ADSL: variants seen among roughly 807,000 people sequenced by gnomAD.
ADSL encodes the protein adenylosuccinase.
A neutral mutation model predicts 62.1 loss-of-function variants in ADSL; 44 were observed. That is an observed-to-expected ratio of 0.71 (90% CI 0.56 to 0.91). The LOEUF (loss-of-function observed/expected upper bound fraction) is 0.91. Among genes scored for constraint, ADSL ranks in the 40% least tolerant of loss-of-function variants. The pLI, the probability that ADSL is intolerant of heterozygous loss-of-function variation, is 0.00. For synonymous variants in ADSL, 198 were observed against 220.5 expected, an observed-to-expected ratio of 0.90 and a Z score of 0.90; for missense variants, 531 against 627.4, an observed-to-expected ratio of 0.85 and a Z score of 1.64.
rs1365913884 is a variant in ADSL, at chr22:40,357,434, G to A, written c.483-1430G>A. Among the ~76,000 whole-genome samples, 9 of 151,638 alleles carry A rather than the reference G, an allele frequency of 5.9e-5. No individual in the cohort carries two copies. In the East Asian group the frequency reaches 1.8e-3, roughly 30 times the overall value. On this transcript the variant is annotated intron_variant, in intron 4 of 12. Transcript: ENST00000623063. ...ACGCCTGGCTAATTTTGTATTTTTA[G>A]TAGAGACGGGGTTTCTCTGTGTTGG... is the stretch of plus-strand genomic sequence containing the variant.
chr22:40,362,933 C>T (rs1285713545), intron 9 of ADSL, 48 bp from the exon 10 acceptor site: 1 of 1,532,110 alleles, frequency 6.5e-7, no homozygotes. Context: ...CTGCATTTCA[C>T]TGAAATTATT....
intron 1 of ADSL, 123 bp from the exon 2 acceptor site, chr22:40,349,709 T>C: frequency 3.3e-6 from 3 of 911,836 alleles, no homozygotes; most frequent in South Asian, 2.8e-5. Context: ...CCTCAAATTT[T>C]AATTTAAGGG....
At chr22:40,386,375 A>G (rs181618068) in intron 2 of ADSL, among the ~76,000 whole-genome samples, 1 of 152,182 alleles carries the variant, frequency 6.6e-6, no homozygotes, top group Admixed American at 6.5e-5. Context: ...TAAGAGGACA[A>G]CCTCGTGACG....
chr22:40,369,380 G>A (rs760756844), downstream of ADSL: 11 of 149,786 alleles, frequency 7.3e-5, no homozygotes, highest in Non-Finnish European at 1.5e-4. Flanking sequence ...GGTGGTCTGC[G>A]TGTTCACTGG....
chr22:40,381,454 G>A (rs1196299937), intron 2 of ADSL, among the ~76,000 whole-genome samples: 1 of 152,086 alleles, frequency 6.6e-6, no homozygotes, highest in African/African-American at 2.4e-5. Context: ...CGGCTACAAG[G>A]CATTTTAACG....
intron 5 of ADSL, 94 bp downstream of exon 5, chr22:40,359,129 G>A (rs929526664): frequency 8.6e-5 from 136 of 1,587,546 alleles, no homozygotes; most frequent in Non-Finnish European, 1.0e-4. Context: ...ATTGACTGTG[G>A]GATGGGTGGG....
chr22:40,362,689 A>C (rs1052185323), intron 9 of ADSL, among the ~76,000 whole-genome samples: 11 of 152,140 alleles, frequency 7.2e-5, no homozygotes, highest in African/African-American at 2.7e-4. Flanking sequence ...AATGGCAGGT[A>C]TGTAATGGTG....
chr22:40,381,045 T>C (rs2047483643), intron 2 of ADSL, among the ~76,000 whole-genome samples: 1 of 152,204 alleles, frequency 6.6e-6, no homozygotes, highest in Non-Finnish European at 1.5e-5. Flanking sequence ...ATGATAATGG[T>C]TTAGCATGAT....
intron 2 of ADSL, among the ~76,000 whole-genome samples, chr22:40,377,005 T>A (rs1277458106): frequency 1.3e-5 from 2 of 152,222 alleles, no homozygotes; most frequent in Non-Finnish European, 2.9e-5. Context: ...TTGGTCACTT[T>A]CCCAGTCATG....
intron 4 of ADSL, among the ~76,000 whole-genome samples, chr22:40,354,980 T>C (rs2044498464): frequency 6.6e-6 from 1 of 152,216 alleles, no homozygotes; most frequent in African/African-American, 2.4e-5. Context: ...AAATGATGCT[T>C]ACAAGATCTA....
intron 6 of ADSL, among the ~76,000 whole-genome samples, chr22:40,359,712 T>C (rs1343940612): frequency 1.3e-5 from 2 of 151,964 alleles, no homozygotes; most frequent in Non-Finnish European, 2.9e-5. Context: ...TGTATAATTT[T>C]TGTATTGTTT....
intron 11 of ADSL, 150 bp downstream of exon 11, chr22:40,364,515 G>A: frequency 1.3e-6 from 1 of 773,686 alleles, no homozygotes. Flanking sequence ...GCCATCTATG[G>A]AGGGTGATTT....
chr22:40,366,402 T>G (rs1438093395), intron 12 of ADSL, 34 bp from the exon 13 acceptor site: 1 of 1,473,986 alleles, frequency 6.8e-7, no homozygotes, highest in Non-Finnish European at 9.5e-7. Context: ...ATCTTAACAT[T>G]TTCTTTTGTC....
intron 6 of ADSL, among the ~76,000 whole-genome samples, chr22:40,359,507 G>A (rs909422365): frequency 1.2e-4 from 6 of 48,334 alleles, no homozygotes; most frequent in South Asian, 6.4e-4. Flanking sequence ...TCGCCTAATC[G>A]TCTTGCTGAC....
At chr22:40,387,416 T>G in intron 2 of ADSL, 1 of 383,926 alleles carries the variant, frequency 2.6e-6, no homozygotes, top group Non-Finnish European at 4.6e-6. Context: ...TGAGATAGTT[T>G]GTTGACCTGT....
rs773964967 is a variant in ADSL, at chr22:40,354,251, G to A, written c.406G>A (p.Ala136Thr). 6 of 1,613,938 alleles carry A rather than the reference G, an allele frequency of 3.7e-6. No homozygotes were observed. The African/African-American group carries it at 6.7e-5, about 18-fold the overall frequency. Residue 136 changes from alanine (A) to threonine (T), a missense_variant, in exon 4 of 13, where the codon GCC (alanine) becomes ACC (threonine). Physicochemically the swap from Ala to Thr is moderately conservative, Grantham distance 58. Coordinates refer to ENST00000623063, the MANE Select transcript of ADSL (RefSeq NM_000026.4). ...NALDLLLPKL[A>T]RVISRLADFA... ...TATCACATGATCTTTCTTGTAGCTTGCCAGAGTGATCTCTCGGCTTGCCGA... is the reference window on the plus strand; with the variant it reads ...TATCACATGATCTTTCTTGTAGCTTACCAGAGTGATCTCTCGGCTTGCCGA...
At chr22:40,357,217 A>G (rs2044597500) in intron 4 of ADSL, among the ~76,000 whole-genome samples, 1 of 149,296 alleles carries the variant, frequency 6.7e-6, no homozygotes, top group South Asian at 2.1e-4. Context: ...TTTTATGTTC[A>G]GAAACAGACC....
intron 6 of ADSL, among the ~76,000 whole-genome samples, chr22:40,359,554 T>C (rs141795801): frequency 6.6e-6 from 1 of 152,040 alleles, no homozygotes; most frequent in Non-Finnish European, 1.5e-5. Context: ...ATTATTGTTT[T>C]TGAGACAGGG....
Position 40,359,840 on chromosome 22 carries a change from T to C in ADSL, c.701+534T>C, listed in dbSNP as rs114054685. Among the ~76,000 whole-genome samples the C allele has an allele frequency of 3.2e-3, 493 of 152,320 alleles. 3 individuals carry two copies. Among genetic ancestry groups the C allele is most frequent in the African/African-American group, 0.011 (468 of 41,570 alleles). The stretch of plus-strand genomic sequence containing the variant: ...GCCACCATGCCTGACCTGCATTCTC[T>C]TTTTGTATAATCTATAGGAAAAAAG... On this transcript the variant is annotated intron_variant, in intron 6 of 12. Transcript: ENST00000623063.
Sources: gnomAD v4.1 joint callset for allele counts (sites outside exome capture counted in the v4.1 genomes callset) on GRCh38, gnomAD v4.1.1 for gene constraint, MANE v1.5 for transcripts, NCBI Gene and HGNC (gene_info 2026-07-23, HGNC 2026-07-21) for gene names.